SCOC: variants seen among roughly 807,000 people sequenced by gnomAD.
SCOC encodes the protein short coiled coil protein.
In SCOC, 7 loss-of-function variants were observed where a neutral mutation model predicts 9.9. That is an observed-to-expected ratio of 0.71 (90% confidence interval 0.40 to 1.33). The LOEUF (loss-of-function observed/expected upper bound fraction) is 1.33. Among genes scored for constraint, SCOC ranks in the 40% most tolerant of loss-of-function variants. The pLI is 0.01. For synonymous variants in SCOC, 19 were observed against 28.2 expected, an observed-to-expected ratio of 0.67 and a Z score of 1.03; for missense variants, 66 against 89.7, an observed-to-expected ratio of 0.74 and a Z score of 1.07.
chr4:140,297,596 T>A (rs940461927), intron 1 of SCOC, among the ~76,000 whole-genome samples: 2 of 152,202 alleles, frequency 1.3e-5, no homozygotes, highest in African/African-American at 4.8e-5. Context: ...AGGAAAAACA[T>A]TTCTTGATTG....
intron 1 of SCOC, among the ~76,000 whole-genome samples, chr4:140,279,763 T>A (rs989133151): frequency 6.6e-6 from 1 of 152,192 alleles, no homozygotes. Context: ...AATGCAGTGC[T>A]TAAACAAGAC....
chr4:140,355,168 G>A (rs894831322), intron 2 of SCOC, among the ~76,000 whole-genome samples: 1 of 148,542 alleles, frequency 6.7e-6, no homozygotes, highest in African/African-American at 2.5e-5. Context: ...AAAAATGTAA[G>A]AAGGTGAGAC....
At chr4:140,285,325 A>G (rs1731234627) in intron 1 of SCOC, 1 of 455,334 alleles carries the variant, frequency 2.2e-6, no homozygotes, top group African/African-American at 2.0e-5. Context: ...AAATTGTGGT[A>G]GAGCATATCT....
chr4:140,371,076 G>A (rs532333780), upstream of SCOC, among the ~76,000 whole-genome samples: 3 of 151,962 alleles, frequency 2.0e-5, no homozygotes, highest in Non-Finnish European at 2.9e-5. Context: ...TAGTAGAGAC[G>A]GGGTTTCACC....
chr4:140,378,007 T>C (rs1728414369), intron 1 of SCOC, among the ~76,000 whole-genome samples: 1 of 152,180 alleles, frequency 6.6e-6, no homozygotes, highest in African/African-American at 2.4e-5. Context: ...ATTTTGAACA[T>C]ATTGAATGAA....
chr4:140,332,441 T>C (rs1271017790), intron 1 of SCOC, among the ~76,000 whole-genome samples: 1 of 139,208 alleles, frequency 7.2e-6, no homozygotes, highest in Non-Finnish European at 1.5e-5. Context: ...TGCAATGGCA[T>C]GATCTCAGCT....
intron 1 of SCOC, among the ~76,000 whole-genome samples, chr4:140,325,907 C>A (rs1396565753): frequency 6.6e-6 from 1 of 152,188 alleles, no homozygotes; most frequent in Non-Finnish European, 1.5e-5. Context: ...TATTCACAGT[C>A]ATTCCAAACG....
At chr4:140,323,320 C>T (rs754827335) in intron 1 of SCOC, among the ~76,000 whole-genome samples, 6 of 152,168 alleles carry the variant, frequency 3.9e-5, no homozygotes, top group Non-Finnish European at 8.8e-5. Flanking sequence ...AAAACTTCCT[C>T]ACCAGAAGCC....
rs145851038 is a variant in SCOC at position 140,344,762 on chromosome 4, A to C, written c.70+1054A>C. ...GAAAGCAGACAGAGCTGCAGAAGGC[A>C]GTGAAGGAAACAAAGACAGGGGAAA... On this transcript the variant is annotated intron_variant, in intron 2 of 4. Coordinates refer to the SCOC transcript ENST00000338517. 1.4e-4 allele frequency among the ~76,000 whole-genome samples: 21 copies of C among 152,348 alleles called. No homozygotes were observed. In the East Asian group the frequency reaches 3.7e-3, roughly 27 times the overall value.
intron 1 of SCOC, among the ~76,000 whole-genome samples, chr4:140,329,468 A>C (rs1306309718): frequency 6.6e-6 from 1 of 152,254 alleles, no homozygotes; most frequent in African/African-American, 2.4e-5. Context: ...ATTAAACTAA[A>C]AAGCTTCTGC....
chr4:140,380,515 T>A (rs1728532915), intron 3 of SCOC, among the ~76,000 whole-genome samples: 1 of 152,062 alleles, frequency 6.6e-6, no homozygotes, highest in South Asian at 2.1e-4. Context: ...ACCTCTTATG[T>A]GATCATCAGG....
intron 2 of SCOC, among the ~76,000 whole-genome samples, chr4:140,345,426 G>A (rs1726694416): frequency 6.6e-6 from 1 of 152,174 alleles, no homozygotes; most frequent in South Asian, 2.1e-4. Flanking sequence ...TCATATATTT[G>A]TGATGAAAAT....
Position 140,296,744 on chromosome 4 carries a change from G to A in SCOC, c.-19+39334G>A, listed in dbSNP as rs115907099. Among the ~76,000 whole-genome samples, 914 of 152,070 alleles carry A rather than the reference G, an allele frequency of 6.0e-3. 6 individuals are homozygous for A. The highest frequency in any genetic ancestry group is 0.021 in the African/African-American group (872 of 41,462). ...GATGTCAACACTGATTGTCTGAAGA[G>A]AGGCTACTCAATATCACAAGGTCAC... On this transcript the variant is annotated intron_variant, in intron 1 of 4. Transcript: ENST00000394205.
chr4:140,297,529 C>T (rs980390211), intron 1 of SCOC, among the ~76,000 whole-genome samples: 3 of 152,128 alleles, frequency 2.0e-5, no homozygotes, highest in Non-Finnish European at 4.4e-5. Flanking sequence ...TCATTCTCTC[C>T]TGCCCTCCCA....
intron 1 of SCOC, among the ~76,000 whole-genome samples, chr4:140,286,674 G>A (rs1399636083): frequency 2.0e-5 from 3 of 152,238 alleles, no homozygotes; most frequent in East Asian, 1.9e-4. Context: ...TGGCTTGAGC[G>A]CATAAGCATG....
chr4:140,262,697 G>A (rs1481422004), intron 1 of SCOC, among the ~76,000 whole-genome samples: 8 of 152,270 alleles, frequency 5.3e-5, no homozygotes, highest in South Asian at 4.1e-4. Flanking sequence ...AAGAAAAGAG[G>A]TTTAATTGAC....
At chr4:140,261,264 G>A (rs1241053952) in intron 1 of SCOC, among the ~76,000 whole-genome samples, 1 of 152,178 alleles carries the variant, frequency 6.6e-6, no homozygotes, top group Non-Finnish European at 1.5e-5. Context: ...TATGTAACAT[G>A]CCCCCTTGCT....
intron 1 of SCOC, among the ~76,000 whole-genome samples, chr4:140,288,854 C>G (rs1273918104): frequency 6.6e-6 from 1 of 151,824 alleles, no homozygotes; most frequent in African/African-American, 2.4e-5. Context: ...GTCTATATAC[C>G]CCTCATACAA....
At chr4:140,366,823 C>T in intron 2 of SCOC, 2 of 964,382 alleles carry the variant, frequency 2.1e-6, no homozygotes, top group South Asian at 1.3e-5. Flanking sequence ...GGGGATGTAG[C>T]CCACACGGCC....
Sources: allele counts gnomAD v4.1 joint callset (sites outside exome capture counted in the v4.1 genomes callset), GRCh38; gene constraint gnomAD v4.1.1; transcripts MANE v1.5; gene names NCBI Gene and HGNC (gene_info 2026-07-23, HGNC 2026-07-21).